The following FYCO1 variants were observed in gnomAD, a reference collection of about 807,000 sequenced individuals.
The protein encoded by FYCO1 is FYVE and coiled-coil domain autophagy adaptor 1.
A neutral mutation model predicts 165.1 loss-of-function variants in FYCO1; 122 were observed. The ratio of observed to expected loss-of-function variants is 0.74; its 90% confidence interval spans 0.64 to 0.86. The LOEUF (loss-of-function observed/expected upper bound fraction) is 0.86. Ranked by LOEUF, FYCO1 falls within the 40% of genes least tolerant of loss-of-function variation. The pLI is 0.00. For synonymous variants in FYCO1, 648 were observed against 742.5 expected (o/e 0.87, Z 2.07); for missense variants, 1,702 against 1,810.3 (o/e 0.94, Z 1.09).
Position 45,966,752 on chromosome 3 carries a change from T to C in FYCO1, c.2582A>G (p.Asp861Gly). The change falls in exon 8 of 18, where the codon GAT (aspartate) becomes GGT (glycine). Residue 861 changes from aspartate (D) to glycine (G), a missense_variant. Transcript: ENST00000296137. ...CTCCTCCTCCCTCTGCTGGGCCTCA[T>C]CGGCCCTCTCCTCCTGCAGTGCCCC... The part of the protein sequence containing the change: ...REGALQEERA[D>G]EAQQREEELR... The C allele has an allele frequency of 1.2e-6, 2 of 1,610,904 alleles. No individual in the cohort carries two copies. The highest frequency in any genetic ancestry group is 1.7e-6 in the Non-Finnish European group (2 of 1,179,982).
chr3:45,973,659 T>A (rs1397261012), intron 5 of FYCO1, among the ~76,000 whole-genome samples: 2 of 152,044 alleles, frequency 1.3e-5, no homozygotes, highest in African/African-American at 2.4e-5. Context: ...AACAAACTAT[T>A]CAGAAATGGT....
chr3:45,957,162 GTCTTTCAATCAA>G (rs1167635164), intron 13 of FYCO1, among the ~76,000 whole-genome samples: 6 of 152,198 alleles, frequency 3.9e-5, no homozygotes, highest in Non-Finnish European at 8.8e-5. Context: ...GCAAGGAACA[GTCTTTCAATCAA>G]TGGTGTTGAA....
chr3:45,947,117 A>G, intron 14 of FYCO1: 2 of 1,614,170 alleles, frequency 1.2e-6, no homozygotes, highest in Non-Finnish European at 8.5e-7. Flanking sequence ...TCTGCTATTC[A>G]GTCATAATCA....
intron 4 of FYCO1, 145 bp downstream of exon 4, chr3:45,979,560 G>C: frequency 1.1e-6 from 1 of 923,522 alleles, no homozygotes; most frequent in Admixed American, 1.8e-5. Context: ...GCAACAATGG[G>C]CATTGCGTAT....
rs2125839551 is a variant in FYCO1 at position 45,959,372 on chromosome 3, AC to A, written c.3587+20del. 6.2e-7 allele frequency: 1 copy of A among 1,613,604 alleles called. No homozygotes were observed. The highest frequency in any genetic ancestry group is 2.2e-5 in the East Asian group (1 of 44,864). ...GGGCCCCACCAGGGTGTTGGTGCCA[AC>A]CCACGAGCTCCCTGCTGACCTGCAG... On this transcript the variant is annotated intron_variant, in intron 12 of 17. Coordinates refer to ENST00000296137, the MANE Select transcript of FYCO1 (RefSeq NM_024513.4).
chr3:45,966,828 C>T lies in FYCO1; in HGVS notation c.2506G>A (p.Ala836Thr). ...TCCTGGACATGGGCTCTGTTAAGGGCTTCATTCTGCTCCTTCAGCTGCTGC... is the reference window on the plus strand; with the variant it reads ...TCCTGGACATGGGCTCTGTTAAGGGTTTCATTCTGCTCCTTCAGCTGCTGC... ...LVQQLKEQNE[A>T]LNRAHVQELL... Residue 836 changes from alanine to threonine, a missense_variant, in exon 8 of 18, where the codon GCC (alanine) becomes ACC (threonine). By Grantham distance (58) the Ala-to-Thr change is moderately conservative. Transcript: ENST00000296137. 1.2e-6 allele frequency: 2 copies of T among 1,611,170 alleles called. No individual in the cohort carries two copies. Among genetic ancestry groups the T allele is most frequent in the Non-Finnish European group, 1.7e-6 (2 of 1,180,030 alleles).
intron 14 of FYCO1, among the ~76,000 whole-genome samples, chr3:45,940,179 A>G (rs1182327881): frequency 6.6e-6 from 1 of 152,254 alleles, no homozygotes; most frequent in Non-Finnish European, 1.5e-5. Flanking sequence ...AGACATGAGC[A>G]GGGCAGGAGA....
intron 1 of FYCO1, among the ~76,000 whole-genome samples, chr3:45,995,140 C>T (rs1244910200): frequency 6.6e-6 from 1 of 151,862 alleles, no homozygotes; most frequent in Admixed American, 6.6e-5. Flanking sequence ...GGAAAAGACC[C>T]CTGGGGGCTA....
chr3:45,936,545 T>C lies in FYCO1; in HGVS notation c.3945-2A>G, dbSNP rs1227314888. On this transcript the variant is annotated splice_acceptor_variant, in intron 14 of 17. Coordinates refer to ENST00000296137, the MANE Select transcript of FYCO1 (RefSeq NM_024513.4). LOFTEE classifies it high-confidence loss of function. The stretch of plus-strand genomic sequence containing the variant: ...GTTAGCGAGGTTGATGTAGTATCCC[T>C]GAAATGTCACAAATGAGAACACAGT... The C allele has an allele frequency of 1.2e-6, 2 of 1,600,904 alleles. No homozygotes were observed. Among genetic ancestry groups the C allele is most frequent in the Non-Finnish European group, 1.7e-6 (2 of 1,168,136 alleles).
In FYCO1 at chr3:45,967,966, C is replaced by T; in HGVS notation, c.1368G>A (p.Gln456=). The change falls in exon 8 of 18, where the codon CAG becomes CAA. Residue 456 remains glutamine (Q), a synonymous_variant. Coordinates refer to ENST00000296137, the MANE Select transcript of FYCO1 (RefSeq NM_024513.4). ...CCTGTCCCTTCCCAGACAACTCCTC[C>T]TGGAGTGGGGCCATCTCCTTCACCA... ...ERLVKEMAPL[Q]EELSGKGQEA... The T allele has an allele frequency of 6.2e-7, 1 of 1,614,180 alleles. No homozygotes were observed. The highest frequency in any genetic ancestry group is 8.5e-7 in the Non-Finnish European group (1 of 1,180,038).
chr3:45,927,751 T>C (rs556617912), intron 16 of FYCO1, among the ~76,000 whole-genome samples: 3 of 152,356 alleles, frequency 2.0e-5, no homozygotes, highest in African/African-American at 7.2e-5. Context: ...CTAACAACTC[T>C]GGCCTGGTCT....
intron 4 of FYCO1, 61 bp downstream of exon 4, chr3:45,979,644 A>C (rs570274433): frequency 2.8e-4 from 455 of 1,604,390 alleles, no homozygotes; most frequent in Admixed American, 5.0e-4. Context: ...AGGTCTCTGC[A>C]AGAGCTGCTT....
chr3:45,989,445 G>A (rs1316804348), intron 1 of FYCO1, among the ~76,000 whole-genome samples: 1 of 152,234 alleles, frequency 6.6e-6, no homozygotes, highest in Non-Finnish European at 1.5e-5. Context: ...CAGTGGGCAG[G>A]CAGACTGCCC....
At chr3:45,976,427 A>G (rs1190655000) in intron 4 of FYCO1, among the ~76,000 whole-genome samples, 1 of 152,170 alleles carries the variant, frequency 6.6e-6, no homozygotes, top group Non-Finnish European at 1.5e-5. Flanking sequence ...GCAAATTAGG[A>G]TTCATATTCC....
rs762118447 is a variant in FYCO1, at chr3:45,958,564, G to A, written c.3643C>T (p.His1215Tyr). The change falls in exon 13 of 18, where the codon CAC becomes TAC. Residue 1215 changes from histidine to tyrosine, a missense_variant. Transcript: ENST00000296137. ...CAGCAGCGCTCCTTTTTGCCACCGT[G>A]CTTGCTCAGGACGTAGTTGTTGCAG... The part of the protein sequence containing the change: ...YCCNNYVLSK[H>Y]GGKKERCCRA... 1.2e-6 allele frequency: 2 copies of A among 1,614,210 alleles called. No individual in the cohort carries two copies. Among genetic ancestry groups the A allele is most frequent in the Admixed American group, 1.7e-5 (1 of 60,030 alleles).
rs1705927175 is a variant in FYCO1 at position 45,965,117 on chromosome 3, A to G, written c.3066T>C (p.Gly1022=). The change falls in exon 9 of 18, where the codon GGT becomes GGC. Residue 1022 remains glycine (G), a synonymous_variant. Transcript: ENST00000296137. ...MDYQSRLKNA[G]EECKSLRGQL... The stretch of plus-strand genomic sequence containing the variant: ...GGCCCCTGAGGCTCTTGCACTCTTC[A>G]CCAGCATTCTAGAGAGGACAAGAAA... The G allele has an allele frequency of 1.2e-6, 2 of 1,613,476 alleles. No individual in the cohort carries two copies. The highest frequency in any genetic ancestry group is 1.1e-5 in the South Asian group (1 of 91,078).
intron 16 of FYCO1, among the ~76,000 whole-genome samples, chr3:45,927,288 C>T (rs935219570): frequency 1.3e-5 from 2 of 152,196 alleles, no homozygotes; most frequent in African/African-American, 4.8e-5. Context: ...ATTAAGAAAA[C>T]ACCTCTCAAA....
chr3:45,950,159 A>G (rs934443733), intron 14 of FYCO1, among the ~76,000 whole-genome samples: 2 of 151,850 alleles, frequency 1.3e-5, no homozygotes, highest in African/African-American at 2.4e-5. Context: ...TGTCCACACC[A>G]GCACATGGCA....
intron 7 of FYCO1, 109 bp from the exon 8 acceptor site, chr3:45,968,812 G>T: frequency 4.7e-6 from 6 of 1,267,812 alleles, no homozygotes; most frequent in South Asian, 1.2e-5. Flanking sequence ...GGCATTACCT[G>T]CCCTAAGGTT....
Sources: allele counts gnomAD v4.1 joint callset (sites outside exome capture counted in the v4.1 genomes callset), GRCh38; gene constraint gnomAD v4.1.1; transcripts MANE v1.5; gene names NCBI Gene and HGNC (gene_info 2026-07-23, HGNC 2026-07-21).